GRID2: variants seen among roughly 807,000 people sequenced by gnomAD.
GRID2 encodes the protein glutamate receptor ionotropic, delta-2.
A neutral mutation model predicts 114.8 loss-of-function variants in GRID2; 33 were observed. The observed-to-expected ratio is 0.29, with a 90% CI of 0.22 to 0.38. GRID2 has a LOEUF of 0.38. Among genes scored for constraint, GRID2 ranks in the 10% least tolerant of loss-of-function variants. The pLI, the probability that GRID2 is intolerant of heterozygous loss-of-function variation, is 1.00. For missense variants in GRID2, 1,184 were observed against 1,257.7 expected (o/e 0.94, Z 0.89); for synonymous variants, 505 against 449.9 (o/e 1.12, Z -1.55).
chr4:92,519,299 C>A (rs1419283112), intron 1 of GRID2, among the ~76,000 whole-genome samples: 2 of 151,692 alleles, frequency 1.3e-5, no homozygotes, highest in African/African-American at 4.8e-5. Flanking sequence ...GGGAGGAATT[C>A]TACCCATAAG....
chr4:93,238,375 G>A lies in GRID2; in HGVS notation c.1130G>A (p.Gly377Glu). 1 of 1,602,364 alleles carries A rather than the reference G, an allele frequency of 6.2e-7. No individual in the cohort carries two copies. Among genetic ancestry groups the A allele is most frequent in the East Asian group, 2.2e-5 (1 of 44,650 alleles). Residue 377 changes from glycine to glutamate, a missense_variant, in exon 8 of 16, where the codon GGA becomes GAA. Physicochemically the swap from Gly to Glu is moderately conservative, Grantham distance 98 (BLOSUM62 -2). Coordinates refer to ENST00000282020, the MANE Select transcript of GRID2 (RefSeq NM_001510.4). ...AGTATCTGTTCTCTCCTTTAGGGTG[G>A]AGTTAGTGGGTTGACTGGAGAGCTA... is the stretch of plus-strand genomic sequence containing the variant. ...RSMLETIKKG[G>E]VSGLTGELEF...
At chr4:93,389,672 C>A (rs1258029239) in intron 8 of GRID2, among the ~76,000 whole-genome samples, 2 of 151,992 alleles carry the variant, frequency 1.3e-5, no homozygotes, top group African/African-American at 2.4e-5. Context: ...TTACTTGAGA[C>A]AATATCCCTA....
chr4:93,772,085 G>T lies in GRID2; in HGVS notation c.2611G>T (p.Glu871Ter). 1.9e-6 allele frequency: 3 copies of T among 1,600,824 alleles called. No homozygotes were observed. Among genetic ancestry groups the T allele is most frequent in the Non-Finnish European group, 2.6e-6 (3 of 1,168,586 alleles). The stretch of plus-strand genomic sequence containing the variant: ...TTTTCTTCATCTCCAGGATGACAAG[G>T]AAATTGACCTGGAGCACCTCCATAG... ...SRVPSKEDDK[E>*]IDLEHLHRRV... Residue 871 changes from glutamate to a stop codon, truncating the protein, a stop_gained, in exon 16 of 16, where the codon GAA becomes TAA. Transcript: ENST00000282020. LOFTEE classifies it high-confidence loss of function.
At chr4:93,395,767 CT>C (rs1295756295) in intron 9 of GRID2, 59 bp downstream of exon 9, 2 of 747,400 alleles carry the variant, frequency 2.7e-6, no homozygotes, top group African/African-American at 1.8e-5. Flanking sequence ...TCCTATATTT[CT>C]TTCTTTATTA....
At chr4:92,587,159 T>C (rs1481751445) in intron 1 of GRID2, among the ~76,000 whole-genome samples, 2 of 150,596 alleles carry the variant, frequency 1.3e-5, no homozygotes, top group Non-Finnish European at 3.0e-5. Context: ...GGAATAATTA[T>C]TTTATATTGA....
chr4:93,600,806 G>A (rs1163962662), intron 13 of GRID2, among the ~76,000 whole-genome samples: 1 of 152,178 alleles, frequency 6.6e-6, no homozygotes, highest in Non-Finnish European at 1.5e-5. Context: ...GAAAAGCATA[G>A]TGGTCTACTC....
intron 2 of GRID2, among the ~76,000 whole-genome samples, chr4:93,010,028 G>A (rs1452098685): frequency 3.9e-5 from 6 of 152,038 alleles, no homozygotes; most frequent in African/African-American, 1.2e-4. Flanking sequence ...TCAAGGTCCT[G>A]TCAACTAACC....
intron 5 of GRID2, among the ~76,000 whole-genome samples, chr4:93,209,550 A>G (rs530474392): frequency 5.9e-5 from 9 of 152,202 alleles, no homozygotes; most frequent in South Asian, 4.1e-4. Context: ...TAGTGATGCA[A>G]TGGACATAGG....
At chr4:92,368,349 G>A (rs1323424212) in intron 1 of GRID2, among the ~76,000 whole-genome samples, 1 of 152,042 alleles carries the variant, frequency 6.6e-6, no homozygotes, top group Non-Finnish European at 1.5e-5. Context: ...AAAGTTTTAT[G>A]CCTGAGACTT....
At chr4:93,736,348 C>A (rs1730924309) in intron 14 of GRID2, among the ~76,000 whole-genome samples, 1 of 151,226 alleles carries the variant, frequency 6.6e-6, no homozygotes, top group South Asian at 2.1e-4. Context: ...ATACTTGTAA[C>A]AACCCCAGGA....
At chr4:92,762,448 TAA>T (rs11326827) in intron 2 of GRID2, among the ~76,000 whole-genome samples, 5,796 of 148,204 alleles carry the variant, frequency 0.039, 172 homozygotes, top group East Asian at 0.12. Flanking sequence ...TTGCTAAAAT[TAA>T]AAAAAAAAAA....
intron 2 of GRID2, among the ~76,000 whole-genome samples, chr4:92,590,705 C>A (rs557392369): frequency 2.0e-5 from 3 of 152,154 alleles, no homozygotes; most frequent in African/African-American, 7.2e-5. Flanking sequence ...GAAAGAAAAA[C>A]CCTTGGACAC....
intron 14 of GRID2, among the ~76,000 whole-genome samples, chr4:93,764,317 A>G (rs1279122304): frequency 6.6e-6 from 1 of 152,168 alleles, no homozygotes; most frequent in African/African-American, 2.4e-5. Context: ...TTTTCTGTTC[A>G]ATGGGATCAC....
chr4:92,889,877 C>T (rs1413071957), intron 2 of GRID2, among the ~76,000 whole-genome samples: 1 of 152,102 alleles, frequency 6.6e-6, no homozygotes, highest in African/African-American at 2.4e-5. Flanking sequence ...TACTACAAGG[C>T]TACAGTAACC....
At chr4:93,196,183 A>AT (rs892475157) in intron 4 of GRID2, among the ~76,000 whole-genome samples, 13 of 152,144 alleles carry the variant, frequency 8.5e-5, no homozygotes, top group African/African-American at 1.7e-4. Context: ...ATTTGAAAAC[A>AT]TTTTTTACAG....
At chr4:93,302,732 C>T (rs55817376) in intron 8 of GRID2, 9,641 of 364,824 alleles carry the variant, frequency 0.026, 861 homozygotes, top group African/African-American at 0.19. Context: ...ATTTTATGCT[C>T]ATTTCCTAAT....
chr4:93,753,942 A>C (rs574816403), intron 14 of GRID2, among the ~76,000 whole-genome samples: 125 of 152,290 alleles, frequency 8.2e-4, no homozygotes, highest in Non-Finnish European at 1.6e-3. Flanking sequence ...CATTCTGAGA[A>C]ATGCATTGTT....
intron 1 of GRID2, among the ~76,000 whole-genome samples, chr4:92,446,877 C>T (rs1342922533): frequency 1.3e-5 from 2 of 152,180 alleles, no homozygotes; most frequent in Non-Finnish European, 1.5e-5. Flanking sequence ...TGATAACCTT[C>T]GAAGTAACAC....
chr4:93,131,264 C>G (rs994033511), intron 4 of GRID2, among the ~76,000 whole-genome samples: 6 of 150,146 alleles, frequency 4.0e-5, no homozygotes, highest in African/African-American at 7.4e-5. Flanking sequence ...AGCGATTCTC[C>G]TACCCCAGCC....
Sources: allele counts gnomAD v4.1 joint callset (sites outside exome capture counted in the v4.1 genomes callset), GRCh38; gene constraint gnomAD v4.1.1; transcripts MANE v1.5; gene names NCBI Gene and HGNC (gene_info 2026-07-23, HGNC 2026-07-21).